The following PPP2R1A variants were observed in gnomAD, a reference collection of about 807,000 sequenced individuals.
The protein encoded by PPP2R1A is serine/threonine-protein phosphatase 2A 65 kDa regulatory subunit A alpha isoform.
In PPP2R1A, 15 loss-of-function variants were observed where a neutral mutation model predicts 67.1. The ratio of observed to expected loss-of-function variants is 0.22; its 90% confidence interval spans 0.15 to 0.34. The LOEUF is 0.34. Among genes scored for constraint, PPP2R1A ranks in the 10% least tolerant of loss-of-function variants. The probability of loss-of-function intolerance (pLI) is 1.00; values close to 1 mark genes in which losing one functional copy is unlikely to be tolerated. For missense variants in PPP2R1A, 369 were observed against 775.0 expected, an observed-to-expected ratio of 0.48 and a Z score of 6.22; for synonymous variants, 337 against 325.0, an observed-to-expected ratio of 1.04 and a Z score of -0.40.
chr19:52,220,008 A>T, intron 10 of PPP2R1A, 144 bp downstream of exon 10: 2 of 1,247,496 alleles, frequency 1.6e-6, no homozygotes, highest in Non-Finnish European at 2.2e-6. Context: ...GACCCAGGAA[A>T]TAGGGCCTTA....
chr19:52,195,775 A>G (rs1320160942), intron 1 of PPP2R1A, among the ~76,000 whole-genome samples: 2 of 152,168 alleles, frequency 1.3e-5, no homozygotes, highest in African/African-American at 4.8e-5. Flanking sequence ...TGGAGCTTCC[A>G]TGCCCTTCTT....
chr19:52,228,712 A>C lies in PPP2R1A; in HGVS notation c.*2731A>C, dbSNP rs1979400636. The stretch of plus-strand genomic sequence containing the variant: ...CCCAGCAGTCACACTGGCCATCTCT[A>C]ATGGTTCCTTCCACAGCACTGTTCT... On this transcript the variant is annotated 3_prime_UTR_variant, in exon 15 of 15. Transcript: ENST00000322088. The C allele has an allele frequency of 6.6e-6, 1 of 152,114 alleles. No homozygotes were observed. The highest frequency in any genetic ancestry group is 2.4e-5 in the African/African-American group (1 of 41,372). 9.4% of individuals were successfully genotyped at this position (152,114 alleles called of 1,614,324 possible). A position where few individuals can be genotyped will look rare whatever the true frequency, so the allele number is the denominator to read the frequency against.
chr19:52,193,578 T>C (rs780670275), intron 1 of PPP2R1A, among the ~76,000 whole-genome samples: 2 of 152,096 alleles, frequency 1.3e-5, no homozygotes, highest in Non-Finnish European at 2.9e-5. Context: ...TGTAACACTT[T>C]GGTTTTATTT....
At chr19:52,225,343 C>T (rs1300697946) in intron 13 of PPP2R1A, among the ~76,000 whole-genome samples, 1 of 151,994 alleles carries the variant, frequency 6.6e-6, no homozygotes, top group African/African-American at 2.4e-5. Flanking sequence ...TTAATTGACT[C>T]ATAATTTTAT....
In PPP2R1A at chr19:52,190,261, T is replaced by A. The variant is rs565538802; in HGVS notation, c.78+87T>A. Reference sequence around the variant, plus strand: ...CTCGCGGAGAAGACTCAGCGTTCGCTGGGAGTGGCGGAAGGGGGCGACGGC... The same window carrying A: ...CTCGCGGAGAAGACTCAGCGTTCGCAGGGAGTGGCGGAAGGGGGCGACGGC... On this transcript the variant is annotated intron_variant, in intron 1 of 14. Coordinates refer to ENST00000322088, the MANE Select transcript of PPP2R1A (RefSeq NM_014225.6). 202 of 1,455,692 alleles carry A rather than the reference T, an allele frequency of 1.4e-4. No individual in the cohort carries two copies. The African/African-American group carries it at 2.6e-3, about 19-fold the overall frequency. The allele number at this position is 1,455,692 out of a possible 1,614,324, so 90.2% of individuals were successfully genotyped here.
In PPP2R1A at chr19:52,211,011, A is replaced by G. The variant is rs183442081; in HGVS notation, c.271-249A>G. On this transcript the variant is annotated intron_variant, in intron 3 of 14. Coordinates refer to ENST00000322088, the MANE Select transcript of PPP2R1A (RefSeq NM_014225.6). The surrounding 1 kb of genome is among the most constrained non-coding windows in gnomAD (Gnocchi z 5.3). ...TATGGACCCCAGTGAAACTCCTTCA[A>G]GGACCCCTAAATAAGAACCTTTGTG... Among the ~76,000 whole-genome samples the G allele has an allele frequency of 1.2e-4, 18 of 152,360 alleles. 1 individual carries two copies. Among genetic ancestry groups the G allele is most frequent in the Admixed American group, 1.1e-3 (17 of 15,308 alleles).
At chr19:52,208,312 GCGTGTGCCACCGCACCCAGCTA>G (rs2089627367) in intron 3 of PPP2R1A, among the ~76,000 whole-genome samples, 1 of 151,866 alleles carries the variant, frequency 6.6e-6, no homozygotes, top group East Asian at 1.9e-4. Flanking sequence ...GAGATTACAG[GCGTGTGCCACCGCACCCAGCTA>G]ATTTTTGCAT....
chr19:52,212,849 T>C lies in PPP2R1A; in HGVS notation c.651+16T>C, dbSNP rs200380496. The C allele has an allele frequency of 8.2e-6, 13 of 1,587,488 alleles. No individual in the cohort carries two copies. The East Asian group carries it at 2.9e-4, about 36-fold the overall frequency. On this transcript the variant is annotated intron_variant, in intron 5 of 14. Transcript: ENST00000322088. The surrounding 1 kb of genome is among the most constrained non-coding windows in gnomAD (Gnocchi z 4.1). ...TGACGAGCAGGTGAGTTTTGCTTCCTGGCCCTCTGCTCTCCCGTCCTTCTG... is the reference window on the plus strand; with the variant it reads ...TGACGAGCAGGTGAGTTTTGCTTCCCGGCCCTCTGCTCTCCCGTCCTTCTG...
rs1407624586 is a variant in PPP2R1A at position 52,222,210 on chromosome 19, C to T, written c.1630C>T (p.Leu544=). Residue 544 remains leucine, a synonymous_variant, in exon 13 of 15, where the codon CTG becomes TTG. Coordinates refer to ENST00000322088, the MANE Select transcript of PPP2R1A (RefSeq NM_014225.6). ...TGTCCGCTTCAATGTGGCCAAGTCT[C>T]TGCAGAAGATAGGGCCCATCCTGGA... is the stretch of plus-strand genomic sequence containing the variant. ...ANVRFNVAKS[L]QKIGPILDNS... 6.2e-7 allele frequency: 1 copy of T among 1,614,062 alleles called. No homozygotes were observed. The highest frequency in any genetic ancestry group is 1.3e-5 in the African/African-American group (1 of 74,920).
chr19:52,190,197 G>A, intron 1 of PPP2R1A, 23 bp downstream of exon 1: 1 of 1,549,206 alleles, frequency 6.5e-7, no homozygotes, highest in Non-Finnish European at 8.7e-7. Flanking sequence ...CGGGGGACTT[G>A]GGGAAGACGC....
Position 52,216,502 on chromosome 19 carries a change from C to G in PPP2R1A, c.994-27C>G. 1 of 1,613,970 alleles carries G rather than the reference C, an allele frequency of 6.2e-7. No homozygotes were observed. The stretch of plus-strand genomic sequence containing the variant: ...TGCTGCTGCAGGGGTTGCACTGACC[C>G]CTGTGCCTGCCTCTTCTCTCTCCCA... On this transcript the variant is annotated intron_variant, in intron 8 of 14. Coordinates refer to ENST00000322088, the MANE Select transcript of PPP2R1A (RefSeq NM_014225.6). The surrounding 1 kb of genome is among the most constrained non-coding windows in gnomAD (Gnocchi z 4.3).
intron 2 of PPP2R1A, among the ~76,000 whole-genome samples, chr19:52,205,661 G>A (rs556868113): frequency 9.2e-5 from 14 of 152,312 alleles, no homozygotes; most frequent in Admixed American, 3.3e-4. Flanking sequence ...CCGTTGCTAC[G>A]AGGGAGGGAT....
intron 13 of PPP2R1A, among the ~76,000 whole-genome samples, chr19:52,223,187 A>C (rs1979049325): frequency 6.6e-6 from 1 of 152,234 alleles, no homozygotes; most frequent in Non-Finnish European, 1.5e-5. Context: ...TTTTTAAAAA[A>C]CATAGCTGAG....
At chr19:52,197,279 A>G (rs1166070182) in intron 1 of PPP2R1A, among the ~76,000 whole-genome samples, 3 of 152,136 alleles carry the variant, frequency 2.0e-5, no homozygotes, top group African/African-American at 7.2e-5. Flanking sequence ...CTGCTATTAT[A>G]CATATCTTCT....
At chr19:52,194,707 C>T (rs528663361) in intron 1 of PPP2R1A, among the ~76,000 whole-genome samples, 1 of 152,246 alleles carries the variant, frequency 6.6e-6, no homozygotes, top group South Asian at 2.1e-4. Context: ...TCTCTGTGTG[C>T]CCCTGGAGCA....
At chr19:52,190,279 G>A (rs905512627) in intron 1 of PPP2R1A, 105 bp downstream of exon 1, 2 of 1,315,710 alleles carry the variant, frequency 1.5e-6, no homozygotes, top group African/African-American at 1.5e-5. Flanking sequence ...GCGGAAGGGG[G>A]CGACGGCCAA....
rs561638786 is a variant in PPP2R1A, at chr19:52,226,365, A to G, written c.*384A>G. On this transcript the variant is annotated 3_prime_UTR_variant, in exon 15 of 15. Transcript: ENST00000322088. ...TTTGTGTGTCAACTGTGCCGTTTTTATTTTATTCCTTTTATTTTCCCCCTT... is the reference window on the plus strand; with the variant it reads ...TTTGTGTGTCAACTGTGCCGTTTTTGTTTTATTCCTTTTATTTTCCCCCTT... 2.9e-5 allele frequency: 10 copies of G among 341,900 alleles called. No individual in the cohort carries two copies. The highest frequency in any genetic ancestry group is 4.5e-5 in the Admixed American group (1 of 22,114). The allele number at this position is 341,900 out of a possible 1,614,324, so 21.2% of individuals were successfully genotyped here. A position where few individuals can be genotyped will look rare whatever the true frequency, so the allele number is the denominator to read the frequency against.
At position 52,222,110 on chromosome 19, in the gene PPP2R1A, G is replaced by A. The variant is rs777348773; in HGVS notation, c.1530G>A (p.Glu510=). ...TTLFCINVLS[E]VCGQDITTKH... The stretch of plus-strand genomic sequence containing the variant: ...TCACTGGCCCCCAGGTGCTGTCTGA[G>A]GTCTGTGGGCAGGACATCACCACCA... The change falls in exon 13 of 15, where the codon GAG becomes GAA. Residue 510 remains glutamate, a synonymous_variant. Coordinates refer to ENST00000322088, the MANE Select transcript of PPP2R1A (RefSeq NM_014225.6). The A allele has an allele frequency of 7.3e-5, 117 of 1,612,286 alleles. No homozygotes were observed. Among genetic ancestry groups the A allele is most frequent in the Non-Finnish European group, 8.9e-5 (105 of 1,179,334 alleles).
intron 3 of PPP2R1A, 65 bp downstream of exon 3, chr19:52,206,128 A>G: frequency 7.1e-7 from 1 of 1,410,862 alleles, no homozygotes; most frequent in Non-Finnish European, 1.0e-6. Context: ...CTGCCGGCCT[A>G]GGGCAGGGAG....
Sources: allele counts gnomAD v4.1 joint callset (sites outside exome capture counted in the v4.1 genomes callset), GRCh38; gene constraint gnomAD v4.1.1; non-coding constraint Gnocchi (gnomAD v3.1); transcripts MANE v1.5; gene names NCBI Gene and HGNC (gene_info 2026-07-23, HGNC 2026-07-21).